The following RUFY1 variants were observed in gnomAD, a reference collection of about 807,000 sequenced individuals.
RUFY1 encodes RUN and FYVE domain-containing protein 1.
Under a neutral mutation model 94.6 loss-of-function variants are expected in RUFY1, and 54 were observed. The ratio of observed to expected loss-of-function variants is 0.57; its 90% CI spans 0.46 to 0.72. RUFY1 has a LOEUF of 0.72. RUFY1 is among the 30% of genes least tolerant of loss of function. RUFY1 has a pLI of 0.00. For synonymous variants in RUFY1, 396 were observed against 347.3 expected, an observed-to-expected ratio of 1.14 and a Z score of -1.56; for missense variants, 883 against 883.9, an observed-to-expected ratio of 1.00 and a Z score of 0.01.
chr5:179,590,181 G>A (rs1035240593), intron 9 of RUFY1, among the ~76,000 whole-genome samples: 3 of 151,904 alleles, frequency 2.0e-5, no homozygotes, highest in South Asian at 2.1e-4. Context: ...GTGAAACCCC[G>A]TCTCTACTAA....
rs568773163 is a variant in RUFY1, at chr5:179,550,997, T to G, written c.310+118T>G. 4,749 of 881,300 alleles carry G rather than the reference T, an allele frequency of 5.4e-3. 197 individuals are homozygous for G. In the African/African-American group the frequency reaches 0.075, roughly 14 times the overall value. The allele number at this position is 881,300 out of a possible 1,614,324, so 54.6% of individuals were successfully genotyped here. A position where few individuals can be genotyped will look rare whatever the true frequency, so the allele number is the denominator to read the frequency against. On this transcript the variant is annotated intron_variant, in intron 1 of 17. Coordinates refer to ENST00000319449, the MANE Select transcript of RUFY1 (RefSeq NM_025158.5). Reference sequence around the variant, plus strand: ...GGCCGTTCCGGGAGGTTACGCGAGCTGTTGGCGGGCGGGCGGCGCCTGGCT... The same window carrying G: ...GGCCGTTCCGGGAGGTTACGCGAGCGGTTGGCGGGCGGGCGGCGCCTGGCT...
At chr5:179,555,635 T>A in intron 1 of RUFY1, 1 of 380,256 alleles carries the variant, frequency 2.6e-6, no homozygotes, top group Non-Finnish European at 5.1e-6. Context: ...TTTTTTTTTT[T>A]TTTTTTTTTT....
intron 10 of RUFY1, among the ~76,000 whole-genome samples, chr5:179,593,053 A>G (rs1432028659): frequency 2.0e-5 from 3 of 152,028 alleles, no homozygotes; most frequent in Non-Finnish European, 4.4e-5. Context: ...TCCCTAAGCT[A>G]TTCTCACCTT....
Position 179,596,701 on chromosome 5 carries a change from C to T in RUFY1, c.1631+20C>T, listed in dbSNP as rs1487487515. 2.1e-6 allele frequency: 3 copies of T among 1,395,974 alleles called. No homozygotes were observed. The highest frequency in any genetic ancestry group is 3.5e-5 in the East Asian group (1 of 28,464). 86.5% of individuals were successfully genotyped at this position (1,395,974 alleles called of 1,614,324 possible). A position where few individuals can be genotyped will look rare whatever the true frequency, so the allele number is the denominator to read the frequency against. On this transcript the variant is annotated intron_variant, in intron 13 of 17. Coordinates refer to ENST00000319449, the MANE Select transcript of RUFY1 (RefSeq NM_025158.5). ...GCAATGGTAGGGGCCCTGCAGGGAG[C>T]CTGGGCTGGGGTGTGGCTCAGGAGG...
intron 2 of RUFY1, among the ~76,000 whole-genome samples, chr5:179,561,160 G>A (rs1219686909): frequency 2.0e-5 from 3 of 152,154 alleles, no homozygotes; most frequent in Non-Finnish European, 4.4e-5. Flanking sequence ...GCAGTGAGCT[G>A]AGATTGCACC....
intron 7 of RUFY1, among the ~76,000 whole-genome samples, chr5:179,583,016 G>A (rs1321993846): frequency 6.6e-6 from 1 of 151,764 alleles, no homozygotes; most frequent in Non-Finnish European, 1.5e-5. Context: ...TTGTGAATAT[G>A]AAGCAGCCAG....
intron 7 of RUFY1, among the ~76,000 whole-genome samples, chr5:179,582,909 A>G (rs1399804125): frequency 6.6e-6 from 1 of 152,190 alleles, no homozygotes; most frequent in Non-Finnish European, 1.5e-5. Flanking sequence ...TTTCTCCGCC[A>G]TCATATCAGG....
rs1440067750 is a variant in RUFY1 at position 179,596,875 on chromosome 5, C to T, written c.1631+194C>T. On this transcript the variant is annotated intron_variant, in intron 13 of 17. Coordinates refer to ENST00000319449, the MANE Select transcript of RUFY1 (RefSeq NM_025158.5). ...GGAGCTCCCTCCCCACAGGGCTCCT[C>T]ACGTGGTCCAGCTCGCCTCCAGAAG... The T allele has an allele frequency of 6.0e-6, 4 of 662,570 alleles. No homozygotes were observed. In the East Asian group the frequency reaches 1.3e-4, roughly 21 times the overall value. 41.0% of individuals were successfully genotyped at this position (662,570 alleles called of 1,614,324 possible).
Position 179,569,298 on chromosome 5 carries a change from T to C in RUFY1, c.705-4T>C. ...CATCGCCCTGTCCTGTCCATCTCTT[T>C]CAGCGAGTTCTATGAGCCTGAGGCT... On this transcript the variant is annotated splice_region_variant and splice_polypyrimidine_tract_variant and intron_variant, in intron 4 of 17. Transcript: ENST00000319449. The C allele has an allele frequency of 6.2e-7, 1 of 1,613,844 alleles. No individual in the cohort carries two copies. The highest frequency in any genetic ancestry group is 1.1e-5 in the South Asian group (1 of 91,078).
At chr5:179,590,334 A>G (rs1288810893) in intron 9 of RUFY1, among the ~76,000 whole-genome samples, 1 of 150,570 alleles carries the variant, frequency 6.6e-6, no homozygotes, top group African/African-American at 2.4e-5. Context: ...AGCCTGGGCC[A>G]TAGAGCAAGA....
chr5:179,591,594 C>T lies in RUFY1; in HGVS notation c.1129-31C>T, dbSNP rs575550007. 41 of 1,359,570 alleles carry T rather than the reference C, an allele frequency of 3.0e-5. No homozygotes were observed. In the South Asian group the frequency reaches 4.8e-4, roughly 16 times the overall value. The allele number at this position is 1,359,570 out of a possible 1,614,324, so 84.2% of individuals were successfully genotyped here. ...AATTAGCTTGCTTTCCATAAGCAAA[C>T]AATTCCTCTTGGTGTCCTTGTTTGA... On this transcript the variant is annotated intron_variant, in intron 9 of 17. Transcript: ENST00000319449.
At chr5:179,593,675 G>T in intron 11 of RUFY1, 30 bp downstream of exon 11, 1 of 1,605,506 alleles carries the variant, frequency 6.2e-7, no homozygotes, top group Non-Finnish European at 8.5e-7. Flanking sequence ...CCATGGCACA[G>T]CCTGGTTTCT....
chr5:179,604,192 G>A (rs1309979314), intron 15 of RUFY1, among the ~76,000 whole-genome samples: 1 of 152,190 alleles, frequency 6.6e-6, no homozygotes, highest in Admixed American at 6.5e-5. Context: ...CACAGCATCA[G>A]GTGTTTGCAA....
At chr5:179,591,379 T>C (rs573749852) in intron 9 of RUFY1, among the ~76,000 whole-genome samples, 15 of 151,336 alleles carry the variant, frequency 9.9e-5, no homozygotes, top group East Asian at 1.9e-4. Flanking sequence ...AGAGACGGGG[T>C]TTCACCATGT....
intron 1 of RUFY1, chr5:179,555,893 T>A: frequency 4.3e-6 from 1 of 231,070 alleles, no homozygotes; most frequent in Non-Finnish European, 8.8e-6. Context: ...TTGGCCAGGC[T>A]GGTCTCAAAC....
At chr5:179,559,122 G>A (rs1370601824) in intron 1 of RUFY1, among the ~76,000 whole-genome samples, 1 of 152,226 alleles carries the variant, frequency 6.6e-6, no homozygotes, top group African/African-American at 2.4e-5. Context: ...GCGCCCGGGT[G>A]AGGGCCGCGC....
chr5:179,572,108 G>A (rs934951678), intron 5 of RUFY1: 3 of 179,502 alleles, frequency 1.7e-5, no homozygotes, highest in Admixed American at 6.4e-5. Flanking sequence ...CTGAGTCCAC[G>A]CGTCTGGTTG....
At chr5:179,568,675 G>C (rs1434541298) in intron 4 of RUFY1, among the ~76,000 whole-genome samples, 1 of 152,120 alleles carries the variant, frequency 6.6e-6, no homozygotes, top group African/African-American at 2.4e-5. Context: ...GATGAAATCA[G>C]GGTAATTACC....
chr5:179,585,973 C>A, intron 8 of RUFY1, 108 bp downstream of exon 8: 1 of 833,568 alleles, frequency 1.2e-6, no homozygotes, highest in Non-Finnish European at 2.0e-6. Context: ...AGGAAGGGGA[C>A]TTGCTAGCCT....
Sources: gnomAD v4.1 joint callset for allele counts (sites outside exome capture counted in the v4.1 genomes callset) on GRCh38, gnomAD v4.1.1 for gene constraint, MANE v1.5 for transcripts, NCBI Gene and HGNC (gene_info 2026-07-23, HGNC 2026-07-21) for gene names.